CCDC178: variants seen among roughly 807,000 people sequenced by gnomAD.
CCDC178 encodes the protein coiled-coil domain-containing protein 178.
In CCDC178, 126 loss-of-function variants were observed where a neutral mutation model predicts 117.4. The observed-to-expected ratio is 1.07, with a 90% CI of 0.93 to 1.24. The LOEUF (loss-of-function observed/expected upper bound fraction) is 1.24, where lower values mean the gene tolerates loss of function less well. Among genes scored for constraint, CCDC178 ranks in the 50% most tolerant of loss-of-function variants. The pLI is 0.00. For missense variants in CCDC178, 1,030 were observed against 986.9 expected (o/e 1.04, Z -0.59); for synonymous variants, 283 against 313.4 (o/e 0.90, Z 1.02).
At position 33,208,754 on chromosome 18, in the gene CCDC178, T is replaced by G. The variant is rs150967631; in HGVS notation, c.2238+3142A>C. 3.0e-4 allele frequency among the ~76,000 whole-genome samples: 45 copies of G among 152,164 alleles called. 1 individual carries two copies. The East Asian group carries it at 8.1e-3, about 27-fold the overall frequency. On this transcript the variant is annotated intron_variant, in intron 20 of 22. Transcript: ENST00000383096. ...TGTATTAAGCTAAAACTTTTCCACA[T>G]GAAAGTGTCAAAAATAATTTTATAT... is the stretch of plus-strand genomic sequence containing the variant.
At chr18:33,266,698 G>A (rs577891716) in intron 14 of CCDC178, among the ~76,000 whole-genome samples, 24 of 151,242 alleles carry the variant, frequency 1.6e-4, no homozygotes, top group Admixed American at 9.9e-4. Context: ...GCTAAATGAC[G>A]AGTTAATGGG....
intron 4 of CCDC178, among the ~76,000 whole-genome samples, chr18:33,395,470 T>C (rs1021662764): frequency 4.6e-5 from 7 of 151,948 alleles, no homozygotes; most frequent in African/African-American, 1.7e-4. Flanking sequence ...CTCAAGACAC[T>C]GTAGAGACAT....
chr18:33,070,229 T>C (rs916158440), intron 21 of CCDC178, among the ~76,000 whole-genome samples: 2 of 152,086 alleles, frequency 1.3e-5, no homozygotes, highest in Middle Eastern at 3.2e-3. Context: ...TGCACCCGCA[T>C]GTTTATTGCA....
intron 22 of CCDC178, among the ~76,000 whole-genome samples, chr18:32,964,350 C>T (rs779884006): frequency 6.6e-5 from 10 of 151,806 alleles, no homozygotes; most frequent in Non-Finnish European, 1.5e-4. Context: ...TGAAGTTGTC[C>T]AAGCATTTAT....
At chr18:33,049,644 A>T (rs2056708662) in intron 21 of CCDC178, among the ~76,000 whole-genome samples, 1 of 152,208 alleles carries the variant, frequency 6.6e-6, no homozygotes, top group Non-Finnish European at 1.5e-5. Context: ...TGTTTGATAA[A>T]CACTGTTGAA....
intron 21 of CCDC178, among the ~76,000 whole-genome samples, chr18:33,020,610 T>C (rs2144826734): frequency 6.6e-6 from 1 of 152,308 alleles, no homozygotes; most frequent in Non-Finnish European, 1.5e-5. Context: ...TAAAAGCAAT[T>C]GCTGATCACA....
chr18:33,385,320 T>C (rs1386446797), intron 5 of CCDC178, among the ~76,000 whole-genome samples: 1 of 152,084 alleles, frequency 6.6e-6, no homozygotes, highest in South Asian at 2.1e-4. Flanking sequence ...GACAGAAAAT[T>C]AACAAAGATA....
chr18:33,218,832 C>A (rs1355162853), intron 18 of CCDC178, among the ~76,000 whole-genome samples: 1 of 152,064 alleles, frequency 6.6e-6, no homozygotes. Context: ...GGTATCAATA[C>A]CATGCTGTTT....
intron 20 of CCDC178, among the ~76,000 whole-genome samples, chr18:33,122,125 C>A (rs1459853675): frequency 6.6e-6 from 1 of 152,088 alleles, no homozygotes; most frequent in Non-Finnish European, 1.5e-5. Flanking sequence ...ATTAAGTGAA[C>A]TATGAAATAC....
intron 15 of CCDC178, among the ~76,000 whole-genome samples, chr18:33,240,778 G>C (rs1413551471): frequency 6.6e-6 from 1 of 151,748 alleles, no homozygotes; most frequent in African/African-American, 2.4e-5. Flanking sequence ...TAACCTTTAA[G>C]GCAGAATTGA....
chr18:32,968,144 T>G (rs1009877252), intron 22 of CCDC178, among the ~76,000 whole-genome samples: 9 of 151,858 alleles, frequency 5.9e-5, no homozygotes, highest in Non-Finnish European at 1.0e-4. Flanking sequence ...CCCATCCTCC[T>G]CTTCTCTAGC....
chr18:33,369,356 T>C (rs1029244708), intron 6 of CCDC178, among the ~76,000 whole-genome samples: 2 of 151,712 alleles, frequency 1.3e-5, no homozygotes, highest in Admixed American at 6.6e-5. Flanking sequence ...GAATTGTAAG[T>C]GGCCCATCAG....
chr18:33,053,144 T>C (rs2056772638), intron 21 of CCDC178, among the ~76,000 whole-genome samples: 1 of 152,214 alleles, frequency 6.6e-6, no homozygotes, highest in Non-Finnish European at 1.5e-5. Context: ...GCTAGTGTTC[T>C]GGATGAAAGG....
chr18:33,057,501 T>A (rs2056849420), intron 21 of CCDC178, among the ~76,000 whole-genome samples: 2 of 151,366 alleles, frequency 1.3e-5, no homozygotes, highest in African/African-American at 2.4e-5. Flanking sequence ...GTAACTGAAT[T>A]TTTTTTTTAG....
At chr18:33,283,048 T>G (rs1004251919) in intron 12 of CCDC178, among the ~76,000 whole-genome samples, 1 of 152,152 alleles carries the variant, frequency 6.6e-6, no homozygotes, top group Non-Finnish European at 1.5e-5. Flanking sequence ...CCTCTGCCAC[T>G]GTGGTGAAAG....
At chr18:33,169,241 A>G (rs2058568938) in intron 20 of CCDC178, among the ~76,000 whole-genome samples, 1 of 152,214 alleles carries the variant, frequency 6.6e-6, no homozygotes, top group African/African-American at 2.4e-5. Flanking sequence ...TCAGTTTCTC[A>G]AAAGTGCAAT....
At chr18:32,992,616 G>A (rs1377215722) in intron 21 of CCDC178, among the ~76,000 whole-genome samples, 1 of 152,150 alleles carries the variant, frequency 6.6e-6, no homozygotes, top group African/African-American at 2.4e-5. Context: ...CACAGTTAAT[G>A]TGTTATATAT....
At chr18:33,109,579 A>G (rs1363745346) in intron 20 of CCDC178, among the ~76,000 whole-genome samples, 2 of 151,594 alleles carry the variant, frequency 1.3e-5, no homozygotes, top group South Asian at 2.1e-4. Flanking sequence ...CAACATAACT[A>G]GCATCTACAT....
At chr18:33,317,681 G>C (rs899563121) in intron 11 of CCDC178, among the ~76,000 whole-genome samples, 1 of 152,080 alleles carries the variant, frequency 6.6e-6, no homozygotes, top group African/African-American at 2.4e-5. Flanking sequence ...GTAGAAGACA[G>C]ACTTTTACTC....
Sources: allele counts gnomAD v4.1 joint callset (sites outside exome capture counted in the v4.1 genomes callset), GRCh38; gene constraint gnomAD v4.1.1; transcripts MANE v1.5; gene names NCBI Gene and HGNC (gene_info 2026-07-23, HGNC 2026-07-21).